The following AP2B1 variants were observed in gnomAD, a reference collection of about 807,000 sequenced individuals.
AP2B1 encodes the protein AP-2 complex subunit beta.
A neutral mutation model predicts 102.0 loss-of-function variants in AP2B1; 23 were observed. The ratio of observed to expected loss-of-function variants is 0.23; its 90% CI spans 0.16 to 0.32. The LOEUF is 0.32. Among genes scored for constraint, AP2B1 ranks in the 10% least tolerant of loss-of-function variants. The probability of loss-of-function intolerance (pLI) is 1.00; values close to 1 mark genes in which losing one functional copy is unlikely to be tolerated. For synonymous variants in AP2B1, 381 were observed against 421.2 expected (o/e 0.90, Z 1.17); for missense variants, 541 against 1,157.4 (o/e 0.47, Z 7.73).
At chr17:35,700,940 T>A (rs2076228104) in intron 18 of AP2B1, among the ~76,000 whole-genome samples, 1 of 152,216 alleles carries the variant, frequency 6.6e-6, no homozygotes, top group Non-Finnish European at 1.5e-5. Context: ...AAGTTAATAT[T>A]GTTATGGTCA....
At chr17:35,683,028 CCACCA>C (rs1300448372) in intron 18 of AP2B1, among the ~76,000 whole-genome samples, 15 of 152,120 alleles carry the variant, frequency 9.9e-5, no homozygotes, top group Non-Finnish European at 1.5e-4. Flanking sequence ...CAGGCACAAG[CCACCA>C]CGCCTGGCTA....
intron 3 of AP2B1, among the ~76,000 whole-genome samples, chr17:35,603,216 C>T (rs1187997226): frequency 1.3e-5 from 2 of 152,148 alleles, no homozygotes; most frequent in Non-Finnish European, 2.9e-5. Context: ...CCCTTATTTT[C>T]CTTGTGGAAA....
At chr17:35,665,126 C>T (rs79624182) in intron 14 of AP2B1, among the ~76,000 whole-genome samples, 5 of 116,310 alleles carry the variant, frequency 4.3e-5, no homozygotes, top group Admixed American at 9.7e-5. Flanking sequence ...TTTGGAATAG[C>T]TTTTTTTTTT....
At chr17:35,608,021 C>A in intron 4 of AP2B1, 121 bp from the exon 5 acceptor site, 1 of 1,179,538 alleles carries the variant, frequency 8.5e-7, no homozygotes. Flanking sequence ...GATTGGAGCT[C>A]ATGTAGAATG....
intron 13 of AP2B1, among the ~76,000 whole-genome samples, chr17:35,656,638 G>A (rs1598194795): frequency 6.6e-6 from 1 of 152,066 alleles, no homozygotes; most frequent in Non-Finnish European, 1.5e-5. Flanking sequence ...GCTCACGCCT[G>A]TAATCCCAGC....
At chr17:35,717,110 C>T (rs2076564908) in intron 20 of AP2B1, 85 bp from the exon 21 acceptor site, 4 of 1,465,908 alleles carry the variant, frequency 2.7e-6, no homozygotes, top group Non-Finnish European at 3.7e-6. Context: ...ACTGAACACA[C>T]ATGGCTCATA....
intron 18 of AP2B1, among the ~76,000 whole-genome samples, chr17:35,686,045 G>C (rs774704745): frequency 6.6e-6 from 1 of 152,220 alleles, no homozygotes; most frequent in Non-Finnish European, 1.5e-5. Flanking sequence ...TTACAGGCGT[G>C]AGCTGCCATG....
intron 17 of AP2B1, among the ~76,000 whole-genome samples, chr17:35,682,435 C>T (rs2075844298): frequency 1.3e-5 from 2 of 149,640 alleles, no homozygotes; most frequent in Admixed American, 6.7e-5. Flanking sequence ...CTCCGCCTCC[C>T]GAGTTCAAGC....
chr17:35,688,696 G>T (rs1169047311), intron 18 of AP2B1, among the ~76,000 whole-genome samples: 1 of 152,120 alleles, frequency 6.6e-6, no homozygotes, highest in East Asian at 1.9e-4. Flanking sequence ...AGGCACAGTG[G>T]CTCACACGTG....
intron 5 of AP2B1, among the ~76,000 whole-genome samples, chr17:35,624,164 T>G (rs987700423): frequency 1.2e-4 from 18 of 152,382 alleles, no homozygotes; most frequent in Non-Finnish European, 2.5e-4. Context: ...AACATGTGAC[T>G]CTGCTAATAT....
chr17:35,624,693 G>T, intron 6 of AP2B1, 106 bp downstream of exon 6: 1 of 999,826 alleles, frequency 1.0e-6, no homozygotes, highest in Non-Finnish European at 1.4e-6. Flanking sequence ...GGCTTCTGGG[G>T]TAGATATTGC....
chr17:35,637,307 C>G (rs1293877745), intron 10 of AP2B1, among the ~76,000 whole-genome samples: 1 of 152,048 alleles, frequency 6.6e-6, no homozygotes, highest in African/African-American at 2.4e-5. Context: ...GCCTCAGCTT[C>G]CCAAGTAGCT....
rs767135022 is a variant in AP2B1 at position 35,594,069 on chromosome 17, T to C, written c.37+2T>C. ...AGTATTTCACAACCAATAAAAAAGG[T>C]AAGTATGAGAATACAATCAAATCTT... On this transcript the variant is annotated splice_donor_variant, in intron 2 of 21. Coordinates refer to ENST00000610402, the MANE Select transcript of AP2B1 (RefSeq NM_001030006.2). LOFTEE classifies it high-confidence loss of function. The C allele has an allele frequency of 3.3e-5, 53 of 1,586,606 alleles. No individual in the cohort carries two copies. The highest frequency in any genetic ancestry group is 1.8e-5 in the Admixed American group (1 of 57,122).
intron 12 of AP2B1, among the ~76,000 whole-genome samples, chr17:35,645,554 A>T (rs2074907943): frequency 6.6e-6 from 1 of 152,198 alleles, no homozygotes. Flanking sequence ...AACTGAGTAA[A>T]GAATACAAAC....
chr17:35,697,356 A>G (rs778445045), intron 18 of AP2B1, among the ~76,000 whole-genome samples: 1 of 152,232 alleles, frequency 6.6e-6, no homozygotes, highest in Non-Finnish European at 1.5e-5. Context: ...TTCTGTTGCT[A>G]ACTTACGTCT....
intron 19 of AP2B1, 129 bp downstream of exon 19, chr17:35,709,437 C>A: frequency 1.4e-6 from 1 of 707,968 alleles, no homozygotes. Flanking sequence ...TATTCTAAAG[C>A]TCTTAATAAT....
chr17:35,598,018 C>T (rs1299583202), intron 2 of AP2B1, among the ~76,000 whole-genome samples: 1 of 152,110 alleles, frequency 6.6e-6, no homozygotes, highest in East Asian at 1.9e-4. Context: ...TCCTCTCTGG[C>T]CATAATTTAA....
At chr17:35,712,418 G>A (rs2076469897) in intron 20 of AP2B1, among the ~76,000 whole-genome samples, 1 of 152,180 alleles carries the variant, frequency 6.6e-6, no homozygotes, top group Non-Finnish European at 1.5e-5. Context: ...CACGAGGTCA[G>A]GAGATCGAGA....
rs1227654010 is a variant in AP2B1, at chr17:35,726,215, G to A, written c.*2516G>A. 1.3e-5 allele frequency: 2 copies of A among 151,906 alleles called. No homozygotes were observed. Among genetic ancestry groups the A allele is most frequent in the African/African-American group, 2.4e-5 (1 of 41,318 alleles). The allele number at this position is 151,906 out of a possible 1,614,324, so 9.4% of individuals were successfully genotyped here. On this transcript the variant is annotated 3_prime_UTR_variant, in exon 22 of 22. Coordinates refer to ENST00000610402, the MANE Select transcript of AP2B1 (RefSeq NM_001030006.2). The stretch of plus-strand genomic sequence containing the variant: ...CTGGTCAGAGATTCCCTGAGTGTCT[G>A]TCCTCACCCAAGCCTGCTCTGTGTC...
Sources: allele counts gnomAD v4.1 joint callset (sites outside exome capture counted in the v4.1 genomes callset), GRCh38; gene constraint gnomAD v4.1.1; transcripts MANE v1.5; gene names NCBI Gene and HGNC (gene_info 2026-07-23, HGNC 2026-07-21).